Variants in KCNQ5 observed in about 807,000 individuals in gnomAD.
KCNQ5 encodes the protein potassium voltage-gated channel subfamily KQT member 5.
KCNQ5 carries 30 observed loss-of-function variants against 98.2 expected under a neutral mutation model. That is an observed-to-expected ratio of 0.31 (90% CI 0.23 to 0.41). The LOEUF (loss-of-function observed/expected upper bound fraction) is 0.41. Ranked by LOEUF, KCNQ5 falls within the 10% of genes least tolerant of loss-of-function variation. The pLI is 1.00. For synonymous variants in KCNQ5, 458 were observed against 449.4 expected, an observed-to-expected ratio of 1.02 and a Z score of -0.24; for missense variants, 835 against 1,182.5, an observed-to-expected ratio of 0.71 and a Z score of 4.31.
At chr6:72,626,896 A>T (rs1049884397) in intron 1 of KCNQ5, among the ~76,000 whole-genome samples, 2 of 152,234 alleles carry the variant, frequency 1.3e-5, no homozygotes, top group Non-Finnish European at 2.9e-5. Context: ...ATGTGGTATG[A>T]GGAAGATGAT....
chr6:73,100,837 C>A (rs1166049402), intron 5 of KCNQ5, among the ~76,000 whole-genome samples: 1 of 151,912 alleles, frequency 6.6e-6, no homozygotes, highest in Non-Finnish European at 1.5e-5. Context: ...TTCAAAGGAT[C>A]ATTAGAGGCT....
At chr6:72,759,530 G>A (rs973272501) in intron 1 of KCNQ5, among the ~76,000 whole-genome samples, 2 of 152,096 alleles carry the variant, frequency 1.3e-5, no homozygotes, top group African/African-American at 2.4e-5. Context: ...TCTGGCAGAG[G>A]CATCACTCAG....
chr6:72,800,953 T>G (rs1256844297), intron 1 of KCNQ5, among the ~76,000 whole-genome samples: 2 of 151,854 alleles, frequency 1.3e-5, no homozygotes, highest in Non-Finnish European at 1.5e-5. Context: ...AGTTTCTTAA[T>G]CCTGAGTTCT....
rs1315197336 is a variant in KCNQ5, at chr6:73,162,216, C to T, written c.1469-7530C>T. Among the ~76,000 whole-genome samples the T allele has an allele frequency of 3.9e-5, 6 of 152,072 alleles. No homozygotes were observed. The South Asian group carries it at 8.3e-4, about 21-fold the overall frequency. On this transcript the variant is annotated intron_variant, in intron 10 of 13. Transcript: ENST00000370398. ...TGCTGGGATTACAGGCGTGAGCTGC[C>T]GCACCCAGCCAGCTTAGCTCTTTTT...
chr6:73,037,456 A>G (rs1277124584), intron 2 of KCNQ5, among the ~76,000 whole-genome samples: 1 of 152,164 alleles, frequency 6.6e-6, no homozygotes, highest in East Asian at 1.9e-4. Flanking sequence ...AAATCCCAAA[A>G]ATATCTCCAT....
At chr6:72,755,789 ATTT>A (rs1434456928) in intron 1 of KCNQ5, among the ~76,000 whole-genome samples, 1 of 152,120 alleles carries the variant, frequency 6.6e-6, no homozygotes, top group Non-Finnish European at 1.5e-5. Context: ...TATTTCTATC[ATTT>A]TCAGTGCTAT....
At position 72,862,146 on chromosome 6, in the gene KCNQ5, G is replaced by A. The variant is rs75644687; in HGVS notation, c.399-141762G>A. On this transcript the variant is annotated intron_variant, in intron 1 of 13. Transcript: ENST00000370398. ...GCCCCAATTCCAAATTCCTTGGAGAGGGACCTGTCTGTCTAGCACAAGCTG... is the reference window on the plus strand; with the variant it reads ...GCCCCAATTCCAAATTCCTTGGAGAAGGACCTGTCTGTCTAGCACAAGCTG... Among the ~76,000 whole-genome samples, 1,200 of 152,258 alleles carry A rather than the reference G, an allele frequency of 7.9e-3. 12 individuals are homozygous for A. The highest frequency in any genetic ancestry group is 0.027 in the African/African-American group (1,127 of 41,558).
At chr6:72,977,114 C>T (rs1768190758) in intron 1 of KCNQ5, among the ~76,000 whole-genome samples, 1 of 152,202 alleles carries the variant, frequency 6.6e-6, no homozygotes, top group South Asian at 2.1e-4. Context: ...GCATTTTTAA[C>T]TCTCTTTGGT....
chr6:72,736,569 G>A (rs2207268), intron 1 of KCNQ5, among the ~76,000 whole-genome samples: 1 of 137,816 alleles, frequency 7.3e-6, no homozygotes, highest in Admixed American at 7.3e-5. Flanking sequence ...GCGGGATCTC[G>A]GCTCACTGCA....
chr6:72,786,659 A>G (rs1293092915), intron 1 of KCNQ5, among the ~76,000 whole-genome samples: 1 of 152,192 alleles, frequency 6.6e-6, no homozygotes, highest in Non-Finnish European at 1.5e-5. Flanking sequence ...AAGTTTATTT[A>G]CTTCGCAATA....
chr6:72,956,332 A>T lies in KCNQ5; in HGVS notation c.399-47576A>T, dbSNP rs1222063544. ...TTATTTAGCAGCCTCAAAAAAATTG[A>T]CTTCAGTGTCTAACCTTCCCTCGTG... is the stretch of plus-strand genomic sequence containing the variant. On this transcript the variant is annotated intron_variant, in intron 1 of 13. Coordinates refer to ENST00000370398, the MANE Select transcript of KCNQ5 (RefSeq NM_019842.4). 2.0e-5 allele frequency among the ~76,000 whole-genome samples: 3 copies of T among 152,138 alleles called. 1 individual carries two copies. In the East Asian group the frequency reaches 5.8e-4, roughly 29 times the overall value.
chr6:72,763,139 A>G (rs935581535), intron 1 of KCNQ5, among the ~76,000 whole-genome samples: 3 of 152,002 alleles, frequency 2.0e-5, no homozygotes, highest in Admixed American at 6.6e-5. Context: ...TCACTTTCAT[A>G]TAAAGATATA....
chr6:72,974,002 A>G (rs565412084), intron 1 of KCNQ5, among the ~76,000 whole-genome samples: 1 of 152,324 alleles, frequency 6.6e-6, no homozygotes, highest in Admixed American at 6.5e-5. Flanking sequence ...TGGGCCCTTT[A>G]TCATGAGTAC....
intron 5 of KCNQ5, among the ~76,000 whole-genome samples, chr6:73,094,052 T>A (rs993030875): frequency 2.6e-5 from 4 of 152,180 alleles, no homozygotes; most frequent in Non-Finnish European, 4.4e-5. Context: ...ATTTCTAAGG[T>A]CTGTTAGTAA....
intron 1 of KCNQ5, among the ~76,000 whole-genome samples, chr6:72,679,071 T>C (rs1767562061): frequency 6.6e-6 from 1 of 152,210 alleles, no homozygotes; most frequent in South Asian, 2.1e-4. Context: ...AAGAATTCAC[T>C]GAACCTCACA....
At chr6:72,960,601 T>C (rs962330491) in intron 1 of KCNQ5, among the ~76,000 whole-genome samples, 4 of 152,110 alleles carry the variant, frequency 2.6e-5, no homozygotes, top group Admixed American at 2.6e-4. Flanking sequence ...GGCTAATTTG[T>C]ATTTTTAGTA....
intron 11 of KCNQ5, among the ~76,000 whole-genome samples, chr6:73,181,645 T>A (rs900754757): frequency 2.6e-5 from 4 of 152,238 alleles, no homozygotes; most frequent in Admixed American, 2.0e-4. Flanking sequence ...GCCAGGCACA[T>A]GTGAGTAAAA....
chr6:73,105,419 TTA>T (rs1774960371), intron 6 of KCNQ5, 52 bp downstream of exon 6: 1 of 1,079,882 alleles, frequency 9.3e-7, no homozygotes, highest in African/African-American at 1.6e-5. Context: ...TAGAGACTTA[TTA>T]GAGTGAGCTC....
chr6:72,884,340 T>G (rs1414743444), intron 1 of KCNQ5, among the ~76,000 whole-genome samples: 1 of 152,070 alleles, frequency 6.6e-6, no homozygotes, highest in Non-Finnish European at 1.5e-5. Context: ...CCAAAACCTT[T>G]TAAAGGGTTT....
Sources: allele counts gnomAD v4.1 joint callset (sites outside exome capture counted in the v4.1 genomes callset), GRCh38; gene constraint gnomAD v4.1.1; transcripts MANE v1.5; gene names NCBI Gene and HGNC (gene_info 2026-07-23, HGNC 2026-07-21).